GINS4: variants seen among roughly 807,000 people sequenced by gnomAD.
GINS4 encodes DNA replication complex GINS protein SLD5.
A neutral mutation model predicts 31.1 loss-of-function variants in GINS4; 20 were observed. The ratio of observed to expected loss-of-function variants is 0.64; its 90% confidence interval spans 0.45 to 0.93. GINS4 has a LOEUF of 0.93. Ranked by LOEUF, GINS4 falls within the 40% of genes least tolerant of loss-of-function variation. The pLI is 0.00. For missense variants in GINS4, 245 were observed against 273.9 expected (o/e 0.89, Z 0.75); for synonymous variants, 85 against 97.9 (o/e 0.87, Z 0.78).
chr8:41,542,171 C>A lies in GINS4; in HGVS notation c.*84C>A. The A allele has an allele frequency of 1.0e-6, 1 of 997,362 alleles. No individual in the cohort carries two copies. Among genetic ancestry groups the A allele is most frequent in the Non-Finnish European group, 1.6e-6 (1 of 624,562 alleles). 61.8% of individuals were successfully genotyped at this position (997,362 alleles called of 1,614,324 possible). ...GGCCGAGGCGGGCGGATCATGAGGTCAGGAGTTCGAGACCAACCGACCAAC... is the reference window on the plus strand; with the variant it reads ...GGCCGAGGCGGGCGGATCATGAGGTAAGGAGTTCGAGACCAACCGACCAAC... On this transcript the variant is annotated 3_prime_UTR_variant, in exon 8 of 8. Transcript: ENST00000276533.
intron 2 of GINS4, among the ~76,000 whole-genome samples, chr8:41,532,254 G>A (rs910619423): frequency 6.6e-6 from 1 of 152,222 alleles, no homozygotes; most frequent in Non-Finnish European, 1.5e-5. Flanking sequence ...ATACCTCAGA[G>A]AAGAAGAAAA....
At chr8:41,541,490 T>C (rs1806840280) in intron 6 of GINS4, among the ~76,000 whole-genome samples, 1 of 152,154 alleles carries the variant, frequency 6.6e-6, no homozygotes, top group Admixed American at 6.5e-5. Context: ...CACGCTGAAA[T>C]ACTGGGGGTT....
chr8:41,535,175 T>C (rs1256621396), intron 2 of GINS4, among the ~76,000 whole-genome samples: 1 of 151,894 alleles, frequency 6.6e-6, no homozygotes, highest in African/African-American at 2.4e-5. Context: ...CTGTCTCTAA[T>C]AAAAATACAA....
chr8:41,530,418 G>A lies in GINS4; in HGVS notation c.96+120G>A. 4 of 664,372 alleles carry A rather than the reference G, an allele frequency of 6.0e-6. No homozygotes were observed. The South Asian group carries it at 7.7e-5, about 13-fold the overall frequency. The allele number at this position is 664,372 out of a possible 1,614,324, so 41.2% of individuals were successfully genotyped here. ...TGGGGCTTACTTTAGAACAGGGACT[G>A]GATCTTACCATCTACATGGAAACGG... On this transcript the variant is annotated intron_variant, in intron 2 of 7. Transcript: ENST00000276533.
At chr8:41,536,262 C>A in intron 2 of GINS4, 98 bp from the exon 3 acceptor site, 1 of 772,696 alleles carries the variant, frequency 1.3e-6, no homozygotes. Flanking sequence ...GTTTTCTTGC[C>A]TGCGCCATCC....
chr8:41,536,351 G>A lies in GINS4; in HGVS notation c.97-9G>A. 5 of 1,582,382 alleles carry A rather than the reference G, an allele frequency of 3.2e-6. No individual in the cohort carries two copies. Among genetic ancestry groups the A allele is most frequent in the Non-Finnish European group, 4.3e-6 (5 of 1,151,146 alleles). ...GTGATGCTTGCTTTTTCTGGCATTT[G>A]TCTTTTAGGCCTGGATGAATGAAAA... is the stretch of plus-strand genomic sequence containing the variant. On this transcript the variant is annotated splice_polypyrimidine_tract_variant and intron_variant, in intron 2 of 7. Coordinates refer to ENST00000276533, the MANE Select transcript of GINS4 (RefSeq NM_032336.3).
Position 41,530,441 on chromosome 8 carries a change from C to T in GINS4, c.96+143C>T, listed in dbSNP as rs146446707. ...CTGGATCTTACCATCTACATGGAAA[C>T]GGGAAGCAAGAAGGACATCCTCTGT... is the stretch of plus-strand genomic sequence containing the variant. On this transcript the variant is annotated intron_variant, in intron 2 of 7. Transcript: ENST00000276533. 50 of 619,382 alleles carry T rather than the reference C, an allele frequency of 8.1e-5. No individual in the cohort carries two copies. The East Asian group carries it at 1.4e-3, about 17-fold the overall frequency. 38.4% of individuals were successfully genotyped at this position (619,382 alleles called of 1,614,324 possible).
rs750063133 is a variant in GINS4, at chr8:41,530,197, G to T, written c.-6G>T. 1.2e-6 allele frequency: 2 copies of T among 1,609,430 alleles called. No individual in the cohort carries two copies. Among genetic ancestry groups the T allele is most frequent in the Non-Finnish European group, 1.7e-6 (2 of 1,176,104 alleles). On this transcript the variant is annotated 5_prime_UTR_variant, in exon 2 of 8. Coordinates refer to ENST00000276533, the MANE Select transcript of GINS4 (RefSeq NM_032336.3). ...CCCTCTCATTAGGTTCCTGGTTTCA[G>T]AGAAGATGACCGAAGAAGTGGATTT...
intron 6 of GINS4, 109 bp from the exon 7 acceptor site, chr8:41,541,699 TG>T: frequency 1.3e-6 from 1 of 770,318 alleles, no homozygotes; most frequent in Non-Finnish European, 2.2e-6. Context: ...AGGAATGGGC[TG>T]GGCTCCTATC....
intron 4 of GINS4, 55 bp from the exon 5 acceptor site, chr8:41,539,623 C>T: frequency 1.6e-6 from 2 of 1,239,562 alleles, no homozygotes; most frequent in South Asian, 2.5e-5. Context: ...TTAACCACAT[C>T]CTTCTCTTTG....
intron 6 of GINS4, among the ~76,000 whole-genome samples, 173 bp from the exon 7 acceptor site, chr8:41,541,636 T>C (rs763869462): frequency 1.3e-5 from 2 of 152,168 alleles, no homozygotes; most frequent in Non-Finnish European, 2.9e-5. Flanking sequence ...AAAGGCCCAA[T>C]GCGTGTCCGG....
chr8:41,530,315 G>A lies in GINS4; in HGVS notation c.96+17G>A, dbSNP rs1271856316. The A allele has an allele frequency of 7.0e-6, 11 of 1,566,790 alleles. No homozygotes were observed. The Admixed American group carries it at 1.4e-4, about 20-fold the overall frequency. ...TTGGAGCAGGTAAGCATCCCAGATC[G>A]AATCCCTTTGCTCCAGTCAGCCTTT... On this transcript the variant is annotated intron_variant, in intron 2 of 7. Transcript: ENST00000276533.
chr8:41,537,075 T>C (rs763403498), intron 3 of GINS4, 105 bp from the exon 4 acceptor site: 4 of 665,634 alleles, frequency 6.0e-6, no homozygotes, highest in Non-Finnish European at 8.2e-6. Flanking sequence ...ACTCACATGA[T>C]ATTTTTGTTT....
chr8:41,542,189 C>T lies in GINS4; in HGVS notation c.*102C>T, dbSNP rs559630833. ...ATGAGGTCAGGAGTTCGAGACCAAC[C>T]GACCAACATGGTGAAACCCCATCTT... On this transcript the variant is annotated 3_prime_UTR_variant, in exon 8 of 8. Transcript: ENST00000276533. 86 of 806,042 alleles carry T rather than the reference C, an allele frequency of 1.1e-4. No homozygotes were observed. The African/African-American group carries it at 1.1e-3, about 11-fold the overall frequency. 49.9% of individuals were successfully genotyped at this position (806,042 alleles called of 1,614,324 possible). A position where few individuals can be genotyped will look rare whatever the true frequency, so the allele number is the denominator to read the frequency against.
Position 41,541,573 on chromosome 8 carries a change from A to C in GINS4, c.485-236A>C, listed in dbSNP as rs374664841. ...ACCAGGAGCAAGTCAGACCCATACCAGACTTGTGGAACCCTGAATTGGTCA... is the reference window on the plus strand; with the variant it reads ...ACCAGGAGCAAGTCAGACCCATACCCGACTTGTGGAACCCTGAATTGGTCA... On this transcript the variant is annotated intron_variant, in intron 6 of 7. Coordinates refer to ENST00000276533, the MANE Select transcript of GINS4 (RefSeq NM_032336.3). Among the ~76,000 whole-genome samples, 338 of 152,296 alleles carry C rather than the reference A, an allele frequency of 2.2e-3. 3 individuals carry two copies. Among genetic ancestry groups the C allele is most frequent in the Non-Finnish European group, 3.2e-3 (216 of 68,026 alleles).
intron 4 of GINS4, chr8:41,537,991 A>T (rs907353646): frequency 6.6e-6 from 1 of 151,742 alleles, no homozygotes; most frequent in Non-Finnish European, 1.5e-5. Flanking sequence ...ACTGCACTCC[A>T]GCCTGGGCAA....
At position 41,544,673 on chromosome 8, in the gene GINS4, T is replaced by A. The variant is rs1806902353; in HGVS notation, c.*2586T>A. 1.3e-5 allele frequency: 2 copies of A among 152,150 alleles called. No individual in the cohort carries two copies. Among genetic ancestry groups the A allele is most frequent in the African/African-American group, 4.8e-5 (2 of 41,418 alleles). 9.4% of individuals were successfully genotyped at this position (152,150 alleles called of 1,614,324 possible). A position where few individuals can be genotyped will look rare whatever the true frequency, so the allele number is the denominator to read the frequency against. On this transcript the variant is annotated 3_prime_UTR_variant, in exon 8 of 8. Transcript: ENST00000276533. Reference sequence around the variant, plus strand: ...CAAAAGCATTTAATTCCCATTCAATTGAAAATGTTTCAAGAACAAACCTGT... The same window carrying A: ...CAAAAGCATTTAATTCCCATTCAATAGAAAATGTTTCAAGAACAAACCTGT...
intron 2 of GINS4, among the ~76,000 whole-genome samples, chr8:41,531,333 G>T (rs1242713734): frequency 6.6e-6 from 1 of 152,162 alleles, no homozygotes; most frequent in Non-Finnish European, 1.5e-5. Context: ...TGGAGTTTTT[G>T]ATTAAATGTG....
intron 4 of GINS4, among the ~76,000 whole-genome samples, chr8:41,538,884 A>T (rs1806786396): frequency 6.6e-6 from 1 of 151,606 alleles, no homozygotes; most frequent in Non-Finnish European, 1.5e-5. Context: ...TTTAGAAGAG[A>T]CAGGGTTTCA....
Sources: allele counts gnomAD v4.1 joint callset (sites outside exome capture counted in the v4.1 genomes callset), GRCh38; gene constraint gnomAD v4.1.1; transcripts MANE v1.5; gene names NCBI Gene and HGNC (gene_info 2026-07-23, HGNC 2026-07-21).